Variants in DNM3 observed in about 807,000 individuals in gnomAD.
DNM3 encodes dynamin-3.
A neutral mutation model predicts 101.6 loss-of-function variants in DNM3; 47 were observed. That is an observed-to-expected ratio of 0.46 (90% CI 0.37 to 0.59). DNM3 has a LOEUF of 0.59. Ranked by LOEUF, DNM3 falls within the 20% of genes least tolerant of loss-of-function variation. The pLI is 0.00. For synonymous variants in DNM3, 385 were observed against 387.9 expected, an observed-to-expected ratio of 0.99 and a Z score of 0.09; for missense variants, 849 against 1,085.7, an observed-to-expected ratio of 0.78 and a Z score of 3.06.
intron 17 of DNM3, among the ~76,000 whole-genome samples, chr1:172,358,247 C>T (rs769895571): frequency 1.3e-5 from 2 of 151,812 alleles, no homozygotes; most frequent in Non-Finnish European, 2.9e-5. Context: ...AGAATGTGCG[C>T]GTGTGTATAT....
intron 14 of DNM3, among the ~76,000 whole-genome samples, chr1:172,201,196 T>C (rs990870311): frequency 6.6e-6 from 1 of 152,160 alleles, no homozygotes; most frequent in Non-Finnish European, 1.5e-5. Flanking sequence ...CTTAGGCTTA[T>C]TGGTCAGTTG....
At chr1:172,115,654 C>T (rs2055837778) in intron 13 of DNM3, among the ~76,000 whole-genome samples, 2 of 152,202 alleles carry the variant, frequency 1.3e-5, no homozygotes, top group African/African-American at 4.8e-5. Flanking sequence ...TGTACTTATT[C>T]ACTGTTCCCT....
chr1:171,905,930 A>G (rs2038787374), intron 1 of DNM3, among the ~76,000 whole-genome samples: 1 of 152,026 alleles, frequency 6.6e-6, no homozygotes, highest in South Asian at 2.1e-4. Context: ...GTGGCCCTCT[A>G]CTGATGTAAG....
At chr1:171,848,347 A>C (rs1226805471) in intron 1 of DNM3, among the ~76,000 whole-genome samples, 1 of 152,202 alleles carries the variant, frequency 6.6e-6, no homozygotes, top group Admixed American at 6.5e-5. Flanking sequence ...GACAGGGAGC[A>C]GAATTTTTCT....
intron 2 of DNM3, among the ~76,000 whole-genome samples, chr1:171,962,709 T>A (rs959240140): frequency 3.9e-5 from 6 of 152,094 alleles, no homozygotes; most frequent in Non-Finnish European, 8.8e-5. Context: ...CTAAACCTAA[T>A]TACCTCCCCA....
Position 172,409,812 on chromosome 1 carries a change from C to T in DNM3, c.*1971C>T, listed in dbSNP as rs1280618024. Reference sequence around the variant, plus strand: ...TAGGCAGCTAACGGATTATATACTTCAGGGTTTGGCTTTGTGCTAAATGTG... The same window carrying T: ...TAGGCAGCTAACGGATTATATACTTTAGGGTTTGGCTTTGTGCTAAATGTG... On this transcript the variant is annotated 3_prime_UTR_variant, in exon 21 of 21. Transcript: ENST00000627582. The T allele has an allele frequency of 3.0e-6, 3 of 985,612 alleles. No homozygotes were observed. Among genetic ancestry groups the T allele is most frequent in the Non-Finnish European group, 3.6e-6 (3 of 829,880 alleles). 61.1% of individuals were successfully genotyped at this position (985,612 alleles called of 1,614,324 possible).
At chr1:172,045,537 A>G (rs1461953099) in intron 9 of DNM3, among the ~76,000 whole-genome samples, 4 of 152,038 alleles carry the variant, frequency 2.6e-5, no homozygotes, top group African/African-American at 9.7e-5. Flanking sequence ...ACCTCCTACT[A>G]CCATCACATT....
chr1:172,164,968 G>A (rs754060820), intron 14 of DNM3, among the ~76,000 whole-genome samples: 3 of 152,114 alleles, frequency 2.0e-5, no homozygotes, highest in Non-Finnish European at 2.9e-5. Context: ...AATGGCACAT[G>A]TAACCCTTTT....
chr1:172,345,040 G>A (rs1352444332), intron 17 of DNM3, among the ~76,000 whole-genome samples: 1 of 152,162 alleles, frequency 6.6e-6, no homozygotes, highest in Non-Finnish European at 1.5e-5. Context: ...TCATTAATAT[G>A]TAGGGTCTCA....
rs1441785801 is a variant in DNM3 at position 172,407,762 on chromosome 1, C to A, written c.2523-10C>A. ...CTTGTTTCTTTACCTTTCTCTTTTT[C>A]TCTTTCTAGCCGGAGACCACCCCCA... On this transcript the variant is annotated splice_polypyrimidine_tract_variant and intron_variant, in intron 20 of 20. Transcript: ENST00000627582. The A allele has an allele frequency of 1.9e-6, 3 of 1,612,524 alleles. No individual in the cohort carries two copies. Among genetic ancestry groups the A allele is most frequent in the Middle Eastern group, 1.7e-4 (1 of 6,058 alleles).
chr1:172,044,352 G>C, intron 8 of DNM3, 33 bp from the exon 9 acceptor site: 2 of 1,558,870 alleles, frequency 1.3e-6, no homozygotes, highest in Middle Eastern at 3.4e-4. Context: ...AAGGAATTAA[G>C]TGTCATAACT....
At chr1:172,057,426 G>A (rs2050737014) in intron 10 of DNM3, among the ~76,000 whole-genome samples, 1 of 152,124 alleles carries the variant, frequency 6.6e-6, no homozygotes, top group South Asian at 2.1e-4. Flanking sequence ...AGGAAAAAAT[G>A]TTAAGGGCAG....
rs1047856139 is a variant in DNM3 at position 172,410,798 on chromosome 1, T to G, written c.*2957T>G. On this transcript the variant is annotated 3_prime_UTR_variant, in exon 21 of 21. Coordinates refer to ENST00000627582, the MANE Select transcript of DNM3 (RefSeq NM_015569.5). ...GATGTAACTGTAAGCCTTCTCGACTTAGACTTAAAAAGTGGTCACATAGAT... is the reference window on the plus strand; with the variant it reads ...GATGTAACTGTAAGCCTTCTCGACTGAGACTTAAAAAGTGGTCACATAGAT... The G allele has an allele frequency of 2.0e-6, 2 of 985,160 alleles. No individual in the cohort carries two copies. The highest frequency in any genetic ancestry group is 2.4e-6 in the Non-Finnish European group (2 of 829,832). The allele number at this position is 985,160 out of a possible 1,614,324, so 61.0% of individuals were successfully genotyped here.
chr1:172,007,399 CA>C lies in DNM3; in HGVS notation c.589+18252del, dbSNP rs149513408. On this transcript the variant is annotated intron_variant, in intron 4 of 20. Coordinates refer to ENST00000627582, the MANE Select transcript of DNM3 (RefSeq NM_015569.5). ...GTGTCATCTTAGCGGTGATGCTGAG[CA>C]TCAGTTCACGTCCTTATAGGCCGTT... 1.8e-4 allele frequency among the ~76,000 whole-genome samples: 27 copies of C among 152,222 alleles called. No homozygotes were observed. The East Asian group carries it at 5.2e-3, about 29-fold the overall frequency.
intron 11 of DNM3, among the ~76,000 whole-genome samples, chr1:172,070,470 C>T (rs548405906): frequency 1.3e-5 from 2 of 152,036 alleles, no homozygotes; most frequent in African/African-American, 2.4e-5. Context: ...CTTTAGGATC[C>T]GCTGTCAAAA....
chr1:172,198,604 C>G (rs905775431), intron 14 of DNM3, among the ~76,000 whole-genome samples: 2 of 151,960 alleles, frequency 1.3e-5, no homozygotes, highest in Non-Finnish European at 2.9e-5. Context: ...TGCTGTTGGT[C>G]TGTTCGGAGA....
At chr1:172,303,638 G>C (rs1026273777) in intron 15 of DNM3, among the ~76,000 whole-genome samples, 1 of 152,164 alleles carries the variant, frequency 6.6e-6, no homozygotes, top group Non-Finnish European at 1.5e-5. Context: ...AGAAAGGTCG[G>C]GTTACCCACA....
intron 14 of DNM3, among the ~76,000 whole-genome samples, chr1:172,134,420 T>C (rs1376265527): frequency 6.6e-6 from 1 of 152,146 alleles, no homozygotes; most frequent in East Asian, 1.9e-4. Flanking sequence ...CTAATAGTTA[T>C]TGAGTATTTA....
In DNM3 at chr1:171,938,101, G is replaced by A. The variant is rs895267311; in HGVS notation, c.235+16280G>A. On this transcript the variant is annotated intron_variant, in intron 2 of 20. Coordinates refer to ENST00000627582, the MANE Select transcript of DNM3 (RefSeq NM_015569.5). ...TTCTAAATGTTCAGTCATGGCATCT[G>A]TATAGAAGTCTAAGCACAGTGCTTT... Among the ~76,000 whole-genome samples the A allele has an allele frequency of 1.3e-5, 2 of 150,836 alleles. 1 individual carries two copies. The highest frequency in any genetic ancestry group is 4.2e-4 in the South Asian group (2 of 4,766).
Sources: gnomAD v4.1 joint callset for allele counts (sites outside exome capture counted in the v4.1 genomes callset) on GRCh38, gnomAD v4.1.1 for gene constraint, MANE v1.5 for transcripts, NCBI Gene and HGNC (gene_info 2026-07-23, HGNC 2026-07-21) for gene names.